Variants in CDH12 observed in about 807,000 individuals in gnomAD.
CDH12 encodes cadherin-12.
In CDH12, 41 loss-of-function variants were observed where a neutral mutation model predicts 74.1. That is an observed-to-expected ratio of 0.55 (90% CI 0.43 to 0.72). The LOEUF (loss-of-function observed/expected upper bound fraction) is 0.72, where lower values mean the gene tolerates loss of function less well. CDH12 is among the 30% of genes least tolerant of loss of function. The probability of loss-of-function intolerance (pLI) is 0.00; values close to 1 mark genes in which losing one functional copy is unlikely to be tolerated. For synonymous variants in CDH12, 399 were observed against 355.0 expected, an observed-to-expected ratio of 1.12 and a Z score of -1.39; for missense variants, 945 against 977.2, an observed-to-expected ratio of 0.97 and a Z score of 0.44.
chr5:22,852,890 C>A (rs1737620880), intron 1 of CDH12, among the ~76,000 whole-genome samples, 168 bp downstream of exon 1: 1 of 152,174 alleles, frequency 6.6e-6, no homozygotes, highest in South Asian at 2.1e-4. Flanking sequence ...TTTCCCAAAG[C>A]AAAACCACGC....
At chr5:21,845,278 A>G (rs775924054) in intron 7 of CDH12, among the ~76,000 whole-genome samples, 3 of 152,190 alleles carry the variant, frequency 2.0e-5, no homozygotes, top group Non-Finnish European at 4.4e-5. Flanking sequence ...TGCAATTCAC[A>G]GAATTGTTAT....
intron 6 of CDH12, among the ~76,000 whole-genome samples, chr5:21,880,955 C>T (rs555561042): frequency 6.6e-6 from 1 of 152,038 alleles, no homozygotes; most frequent in South Asian, 2.1e-4. Flanking sequence ...ACCTGTGTTT[C>T]TAGTGACTGT....
At chr5:22,156,939 T>G (rs1470446631) in intron 4 of CDH12, among the ~76,000 whole-genome samples, 1 of 152,154 alleles carries the variant, frequency 6.6e-6, no homozygotes, top group East Asian at 1.9e-4. Context: ...TTTTGTTTTC[T>G]TTATAACCAG....
chr5:22,398,531 C>A (rs1472882840), intron 3 of CDH12, among the ~76,000 whole-genome samples: 1 of 152,126 alleles, frequency 6.6e-6, no homozygotes, highest in Non-Finnish European at 1.5e-5. Context: ...CCCTGGATTT[C>A]TTGGTGATTT....
At chr5:22,066,393 A>T (rs530406309) in intron 5 of CDH12, among the ~76,000 whole-genome samples, 1 of 152,266 alleles carries the variant, frequency 6.6e-6, no homozygotes, top group South Asian at 2.1e-4. Context: ...GAAAATATTC[A>T]GACCTTTGGG....
At chr5:21,842,374 C>G (rs200214870) in intron 7 of CDH12, 46 bp from the exon 8 acceptor site, 17 of 1,327,812 alleles carry the variant, frequency 1.3e-5, no homozygotes, top group African/African-American at 1.2e-4. Flanking sequence ...CACAAATGCT[C>G]TGTTTTCTGA....
chr5:22,315,119 CTTTTTT>C (rs70959715), intron 3 of CDH12, among the ~76,000 whole-genome samples: 5 of 22,996 alleles, frequency 2.2e-4, no homozygotes, highest in African/African-American at 4.4e-4. Context: ...GCCTGCCTGG[CTTTTTT>C]TTTTTTTTTT....
chr5:22,213,174 C>T (rs1278574775), intron 3 of CDH12, among the ~76,000 whole-genome samples: 1 of 152,096 alleles, frequency 6.6e-6, no homozygotes, highest in Non-Finnish European at 1.5e-5. Flanking sequence ...ATACTTCAAC[C>T]TTTGTCGAAC....
intron 1 of CDH12, among the ~76,000 whole-genome samples, chr5:22,745,065 G>T (rs559552248): frequency 6.6e-6 from 1 of 151,392 alleles, no homozygotes; most frequent in African/African-American, 2.4e-5. Flanking sequence ...AGATCTGCTG[G>T]AATTATTGAC....
chr5:21,900,708 C>T (rs1328347497), intron 6 of CDH12, among the ~76,000 whole-genome samples: 2 of 152,094 alleles, frequency 1.3e-5, no homozygotes, highest in Non-Finnish European at 2.9e-5. Flanking sequence ...AATCGGTCCC[C>T]GACTCCGCCA....
chr5:22,259,799 T>A (rs1014315087), intron 3 of CDH12, among the ~76,000 whole-genome samples: 7 of 152,130 alleles, frequency 4.6e-5, no homozygotes, highest in Non-Finnish European at 7.4e-5. Context: ...TACTCAAGTA[T>A]AATTAATTCA....
chr5:21,826,416 T>G (rs1318283791), intron 8 of CDH12, among the ~76,000 whole-genome samples: 1 of 152,176 alleles, frequency 6.6e-6, no homozygotes, highest in African/African-American at 2.4e-5. Context: ...TATTGATTAT[T>G]TTACCTCCTA....
intron 5 of CDH12, among the ~76,000 whole-genome samples, chr5:21,983,193 T>C (rs1479298740): frequency 2.6e-5 from 4 of 152,144 alleles, no homozygotes; most frequent in African/African-American, 9.6e-5. Context: ...TCTTTTCATA[T>C]CACAGTATAC....
At chr5:21,767,031 C>T (rs1316687887) in intron 11 of CDH12, among the ~76,000 whole-genome samples, 1 of 151,772 alleles carries the variant, frequency 6.6e-6, no homozygotes, top group African/African-American at 2.4e-5. Context: ...AAAAAATAAA[C>T]CACTTTGACA....
At chr5:22,300,143 C>T (rs1737809517) in intron 3 of CDH12, among the ~76,000 whole-genome samples, 1 of 152,068 alleles carries the variant, frequency 6.6e-6, no homozygotes, top group Non-Finnish European at 1.5e-5. Flanking sequence ...TTACTCCATA[C>T]AAAAATAGCA....
intron 3 of CDH12, among the ~76,000 whole-genome samples, chr5:22,351,359 C>T (rs1740348175): frequency 6.6e-6 from 1 of 152,100 alleles, no homozygotes; most frequent in Non-Finnish European, 1.5e-5. Flanking sequence ...CAGGTGATGG[C>T]CCTGCCAAGC....
At chr5:22,708,914 G>A (rs1002962887) in intron 1 of CDH12, among the ~76,000 whole-genome samples, 10 of 152,134 alleles carry the variant, frequency 6.6e-5, no homozygotes, top group African/African-American at 1.9e-4. Context: ...CACTGAAAGC[G>A]CCGCCACCCT....
At chr5:22,383,374 A>G (rs768151858) in intron 3 of CDH12, among the ~76,000 whole-genome samples, 10 of 152,228 alleles carry the variant, frequency 6.6e-5, no homozygotes, top group Non-Finnish European at 1.5e-4. Flanking sequence ...AATGACTTAG[A>G]AAAGTGTCAA....
At chr5:22,758,936 G>T (rs934651582) in intron 1 of CDH12, among the ~76,000 whole-genome samples, 2 of 152,040 alleles carry the variant, frequency 1.3e-5, no homozygotes, top group Admixed American at 6.6e-5. Flanking sequence ...CATTCCATCA[G>T]GTATTCTCTG....
Sources: allele counts gnomAD v4.1 joint callset (sites outside exome capture counted in the v4.1 genomes callset), GRCh38; gene constraint gnomAD v4.1.1; transcripts MANE v1.5; gene names NCBI Gene and HGNC (gene_info 2026-07-23, HGNC 2026-07-21).